The following GRID2 variants were observed in gnomAD, a reference collection of about 807,000 sequenced individuals.
The protein encoded by GRID2 is glutamate ionotropic receptor delta type subunit 2.
A neutral mutation model predicts 114.8 loss-of-function variants in GRID2; 33 were observed. The ratio of observed to expected loss-of-function variants is 0.29; its 90% CI spans 0.22 to 0.38. GRID2 has a LOEUF of 0.38. Among genes scored for constraint, GRID2 ranks in the 10% least tolerant of loss-of-function variants. The pLI, the probability that GRID2 is intolerant of heterozygous loss-of-function variation, is 1.00. For missense variants in GRID2, 1,184 were observed against 1,257.7 expected (o/e 0.94, Z 0.89); for synonymous variants, 505 against 449.9 (o/e 1.12, Z -1.55).
intron 2 of GRID2, among the ~76,000 whole-genome samples, chr4:92,644,170 T>C (rs1230822658): frequency 2.0e-5 from 3 of 151,678 alleles, no homozygotes; most frequent in African/African-American, 4.8e-5. Flanking sequence ...ATCTTTTTCA[T>C]TGAAAAAAGG....
intron 2 of GRID2, among the ~76,000 whole-genome samples, chr4:92,607,841 A>G (rs917584799): frequency 2.0e-5 from 3 of 151,924 alleles, no homozygotes; most frequent in African/African-American, 7.2e-5. Flanking sequence ...TACCTCTTCC[A>G]AAGCTTTAAA....
intron 1 of GRID2, among the ~76,000 whole-genome samples, chr4:93,797,340 T>C (rs1484751149): frequency 6.6e-6 from 1 of 152,192 alleles, no homozygotes; most frequent in Non-Finnish European, 1.5e-5. Context: ...TTCTAGAAGC[T>C]CAAATGAGTT....
chr4:93,077,292 T>C (rs1401460034), intron 2 of GRID2, among the ~76,000 whole-genome samples: 1 of 152,318 alleles, frequency 6.6e-6, no homozygotes, highest in East Asian at 1.9e-4. Context: ...GATTGGGTTG[T>C]GATATTCTAG....
chr4:93,223,668 G>T (rs1213640153), intron 6 of GRID2, among the ~76,000 whole-genome samples: 1 of 152,040 alleles, frequency 6.6e-6, no homozygotes, highest in Non-Finnish European at 1.5e-5. Flanking sequence ...TCACTACATT[G>T]ATTCCTCATT....
At chr4:93,413,755 T>C (rs1355712604) in intron 9 of GRID2, among the ~76,000 whole-genome samples, 1 of 152,202 alleles carries the variant, frequency 6.6e-6, no homozygotes, top group Non-Finnish European at 1.5e-5. Context: ...TTCTCATAAA[T>C]AATATTTCTC....
At chr4:92,718,640 G>A (rs961510821) in intron 2 of GRID2, among the ~76,000 whole-genome samples, 2 of 151,124 alleles carry the variant, frequency 1.3e-5, no homozygotes, top group East Asian at 2.0e-4. Flanking sequence ...TTGCATGCCT[G>A]TAGCCATAGA....
chr4:92,693,609 G>C (rs1166431711), intron 2 of GRID2, among the ~76,000 whole-genome samples: 1 of 152,136 alleles, frequency 6.6e-6, no homozygotes, highest in Non-Finnish European at 1.5e-5. Flanking sequence ...TCTTAAGTTA[G>C]AGAATACTGA....
At chr4:93,191,182 C>G (rs1740943946) in intron 4 of GRID2, among the ~76,000 whole-genome samples, 2 of 151,764 alleles carry the variant, frequency 1.3e-5, no homozygotes, top group African/African-American at 4.8e-5. Flanking sequence ...ATTTTTAGCA[C>G]AAAAAATAGC....
intron 1 of GRID2, among the ~76,000 whole-genome samples, chr4:92,371,079 C>A (rs949013975): frequency 1.3e-5 from 2 of 152,138 alleles, no homozygotes; most frequent in African/African-American, 4.8e-5. Flanking sequence ...CTCTTTAATT[C>A]TCTGAAGTCT....
chr4:92,622,194 A>G (rs963806121), intron 2 of GRID2, among the ~76,000 whole-genome samples: 9 of 151,802 alleles, frequency 5.9e-5, no homozygotes, highest in Non-Finnish European at 7.4e-5. Flanking sequence ...GAGATTTCAT[A>G]GCAAGAATCT....
intron 4 of GRID2, among the ~76,000 whole-genome samples, chr4:93,198,962 G>T (rs957663663): frequency 6.6e-6 from 1 of 152,014 alleles, no homozygotes; most frequent in Non-Finnish European, 1.5e-5. Flanking sequence ...ATATTCATTT[G>T]TTTGCCTGTC....
chr4:93,463,684 T>G (rs1723966443), intron 11 of GRID2, among the ~76,000 whole-genome samples: 1 of 152,166 alleles, frequency 6.6e-6, no homozygotes, highest in African/African-American at 2.4e-5. Context: ...AATCTAAATT[T>G]AAATGATAGA....
chr4:93,210,867 G>A (rs1233258857), intron 5 of GRID2, among the ~76,000 whole-genome samples: 1 of 151,712 alleles, frequency 6.6e-6, no homozygotes. Context: ...TTTGAAATAA[G>A]GATTCTTCTA....
At chr4:93,059,319 TG>T (rs1315693032) in intron 2 of GRID2, among the ~76,000 whole-genome samples, 1 of 152,156 alleles carries the variant, frequency 6.6e-6, no homozygotes, top group Admixed American at 6.6e-5. Flanking sequence ...ACAAATGAGT[TG>T]TTTCATTTCA....
intron 6 of GRID2, among the ~76,000 whole-genome samples, chr4:93,219,784 C>T: frequency 6.6e-6 from 1 of 152,122 alleles, no homozygotes; most frequent in East Asian, 1.9e-4. Context: ...AGTTTGGCTG[C>T]TAATGGAGAG....
chr4:92,907,258 A>T (rs576610715), intron 2 of GRID2, among the ~76,000 whole-genome samples: 1 of 152,280 alleles, frequency 6.6e-6, no homozygotes, highest in East Asian at 1.9e-4. Context: ...AATGTAAAGT[A>T]TAAGTGTGCA....
chr4:92,345,922 A>G (rs1203138604), intron 1 of GRID2, among the ~76,000 whole-genome samples: 1 of 152,226 alleles, frequency 6.6e-6, no homozygotes, highest in African/African-American at 2.4e-5. Context: ...AAATGATACA[A>G]AGTGACTTAT....
Position 93,686,048 on chromosome 4 carries a change from A to G in GRID2, c.2360+59613A>G, listed in dbSNP as rs140577499. 1.9e-3 allele frequency among the ~76,000 whole-genome samples: 294 copies of G among 152,050 alleles called. 1 individual carries two copies. The highest frequency in any genetic ancestry group is 0.01 in the Middle Eastern group (3 of 292). On this transcript the variant is annotated intron_variant, in intron 14 of 15. Transcript: ENST00000282020. ...CTGTTGCAGATGCAGTTATTATTCT[A>G]TTATTATTATTCTCAGCTATTTCAC...
intron 2 of GRID2, among the ~76,000 whole-genome samples, chr4:92,951,039 T>C (rs925273606): frequency 6.6e-6 from 1 of 152,174 alleles, no homozygotes; most frequent in Non-Finnish European, 1.5e-5. Context: ...GGAAACTCTT[T>C]AACCAATTTT....
Sources: gnomAD v4.1 joint callset for allele counts (sites outside exome capture counted in the v4.1 genomes callset) on GRCh38, gnomAD v4.1.1 for gene constraint, MANE v1.5 for transcripts, NCBI Gene and HGNC (gene_info 2026-07-23, HGNC 2026-07-21) for gene names.